Variants in PHLPP1 observed in about 807,000 individuals in gnomAD.
PHLPP1 encodes PH domain leucine-rich repeat-containing protein phosphatase 1.
A neutral mutation model predicts 117.2 loss-of-function variants in PHLPP1; 42 were observed. The observed-to-expected ratio is 0.36, with a 90% CI of 0.28 to 0.46. The LOEUF is 0.46. PHLPP1 is among the 20% of genes least tolerant of loss of function. PHLPP1 has a pLI of 1.00. For missense variants in PHLPP1, 2,084 were observed against 2,241.9 expected, an observed-to-expected ratio of 0.93 and a Z score of 1.42; for synonymous variants, 1,042 against 970.7, an observed-to-expected ratio of 1.07 and a Z score of -1.37.
rs570236081 is a variant in PHLPP1, at chr18:62,917,396, T to G, written c.2804+2388T>G. ...TGTTAAAGAATTTAAACAGTATTCTTTGTGTGTGTGTGTGTGTGTGTGTGT... is the reference window on the plus strand; with the variant it reads ...TGTTAAAGAATTTAAACAGTATTCTGTGTGTGTGTGTGTGTGTGTGTGTGT... On this transcript the variant is annotated intron_variant, in intron 9 of 16. Coordinates refer to ENST00000262719, the MANE Select transcript of PHLPP1 (RefSeq NM_194449.4). Among the ~76,000 whole-genome samples, 588 of 141,478 alleles carry G rather than the reference T, an allele frequency of 4.2e-3. 4 individuals are homozygous for G. Among genetic ancestry groups the G allele is most frequent in the South Asian group, 0.017 (74 of 4,422 alleles). The allele number at this position is 141,478 out of a possible 152,430, so 92.8% of individuals were successfully genotyped here. A position where few individuals can be genotyped will look rare whatever the true frequency, so the allele number is the denominator to read the frequency against.
At chr18:62,857,372 T>G (rs1186087941) in intron 3 of PHLPP1, among the ~76,000 whole-genome samples, 1 of 152,236 alleles carries the variant, frequency 6.6e-6, no homozygotes, top group Admixed American at 6.5e-5. Context: ...AGTTCCTTCA[T>G]TTTAACTGCA....
Position 62,979,359 on chromosome 18 carries a change from T to C in PHLPP1, c.5082T>C (p.Pro1694=). 1 of 1,548,506 alleles carries C rather than the reference T, an allele frequency of 6.5e-7. No individual in the cohort carries two copies. Among genetic ancestry groups the C allele is most frequent in the Non-Finnish European group, 8.7e-7 (1 of 1,144,046 alleles). The change falls in exon 17 of 17, where the codon CCT becomes CCC. Residue 1694 remains proline (P), a synonymous_variant. Transcript: ENST00000262719. ...AGCAGCAGCAGCCGCCACCACCCCC[T>C]CAGCTCCAGCCGCAGCTGCCGCGGC... ...QQQQQQPPPP[P]QLQPQLPRHY... is the part of the protein sequence containing the mutation.
At chr18:62,809,707 A>G (rs1914056868) in intron 1 of PHLPP1, among the ~76,000 whole-genome samples, 1 of 152,174 alleles carries the variant, frequency 6.6e-6, no homozygotes, top group Non-Finnish European at 1.5e-5. Context: ...TCTCAAAAAA[A>G]AAAAAGTCAT....
intron 14 of PHLPP1, among the ~76,000 whole-genome samples, chr18:62,966,954 A>G (rs1435307980): frequency 6.6e-6 from 1 of 152,180 alleles, no homozygotes; most frequent in African/African-American, 2.4e-5. Context: ...AGGATGTCCT[A>G]TAAACAGAAT....
At chr18:62,725,593 A>T (rs1228916520) in intron 1 of PHLPP1, among the ~76,000 whole-genome samples, 1 of 151,920 alleles carries the variant, frequency 6.6e-6, no homozygotes, top group Non-Finnish European at 1.5e-5. Context: ...GAAATATGCC[A>T]TTGCTTTGAA....
At chr18:62,803,288 G>T (rs905005824) in intron 1 of PHLPP1, among the ~76,000 whole-genome samples, 1 of 152,026 alleles carries the variant, frequency 6.6e-6, no homozygotes, top group African/African-American at 2.4e-5. Flanking sequence ...CATTCAGAAA[G>T]GTATGCAAGT....
intron 1 of PHLPP1, among the ~76,000 whole-genome samples, chr18:62,720,211 G>A (rs1052659753): frequency 2.0e-5 from 3 of 152,126 alleles, no homozygotes; most frequent in African/African-American, 7.2e-5. Context: ...CTCGACATAA[G>A]TTATGGACTC....
chr18:62,848,096 T>G (rs1213423006), intron 3 of PHLPP1, among the ~76,000 whole-genome samples: 1 of 152,226 alleles, frequency 6.6e-6, no homozygotes, highest in Admixed American at 6.5e-5. Flanking sequence ...TAGATTTTTT[T>G]GGGTGCTCTG....
In PHLPP1 at chr18:62,838,581, A is replaced by G. The variant is rs1397137051; in HGVS notation, c.1774-203A>G. The G allele has an allele frequency of 1.4e-5, 7 of 488,960 alleles. No individual in the cohort carries two copies. In the South Asian group the frequency reaches 2.3e-4, roughly 16 times the overall value. The allele number at this position is 488,960 out of a possible 1,614,324, so 30.3% of individuals were successfully genotyped here. On this transcript the variant is annotated intron_variant, in intron 2 of 16. Coordinates refer to ENST00000262719, the MANE Select transcript of PHLPP1 (RefSeq NM_194449.4). ...TTTCACTGTGGTGGGGAAATATAGT[A>G]AAGATAAAACTCCCCCTTTTTTGGT... is the stretch of plus-strand genomic sequence containing the variant.
At chr18:62,965,867 T>C (rs1428814981) in intron 14 of PHLPP1, among the ~76,000 whole-genome samples, 2 of 150,892 alleles carry the variant, frequency 1.3e-5, no homozygotes, top group Non-Finnish European at 2.9e-5. Context: ...AAAAAAAAAC[T>C]ACGTTACTGT....
intron 9 of PHLPP1, among the ~76,000 whole-genome samples, chr18:62,915,845 T>G (rs1909254112): frequency 6.6e-6 from 1 of 152,220 alleles, no homozygotes; most frequent in Admixed American, 6.5e-5. Flanking sequence ...GAATTTTGTG[T>G]ATCCATTAAT....
chr18:62,903,003 C>T lies in PHLPP1; in HGVS notation c.2484C>T (p.Asp828=). ...VIRKLIADEV[D]FLQHVTQLDL... is the part of the protein sequence containing the mutation. Reference sequence around the variant, plus strand: ...GGAAGCTGATAGCAGATGAAGTGGACTTTCTACAGCATGTTACTCAGCTTG... The same window carrying T: ...GGAAGCTGATAGCAGATGAAGTGGATTTTCTACAGCATGTTACTCAGCTTG... The change falls in exon 7 of 17, where the codon GAC becomes GAT. Residue 828 remains aspartate, a synonymous_variant. Transcript: ENST00000262719. 1.2e-6 allele frequency: 2 copies of T among 1,612,894 alleles called. No individual in the cohort carries two copies. The highest frequency in any genetic ancestry group is 2.2e-5 in the East Asian group (1 of 44,862).
chr18:62,783,229 CT>C (rs71340114), intron 1 of PHLPP1, among the ~76,000 whole-genome samples: 71 of 106,428 alleles, frequency 6.7e-4, no homozygotes, highest in Admixed American at 8.6e-4. Flanking sequence ...TTTTTTTTTT[CT>C]TTTTTTTTTT....
At chr18:62,857,449 A>G (rs1179294198) in intron 3 of PHLPP1, among the ~76,000 whole-genome samples, 1 of 152,134 alleles carries the variant, frequency 6.6e-6, no homozygotes, top group Non-Finnish European at 1.5e-5. Flanking sequence ...AAGTCCTCTG[A>G]TTAACCTAGC....
intron 10 of PHLPP1, among the ~76,000 whole-genome samples, chr18:62,926,112 T>A (rs1401296546): frequency 1.3e-5 from 2 of 152,224 alleles, no homozygotes; most frequent in Non-Finnish European, 2.9e-5. Context: ...ACCAGGGTTA[T>A]TACATCAAAA....
chr18:62,873,451 T>C (rs1362299376), intron 4 of PHLPP1, among the ~76,000 whole-genome samples: 7 of 152,218 alleles, frequency 4.6e-5, no homozygotes, highest in African/African-American at 1.7e-4. Context: ...ATAAAATAAC[T>C]ACTTCATAAA....
At chr18:62,810,040 TAAG>T (rs1914066881) in intron 1 of PHLPP1, among the ~76,000 whole-genome samples, 1 of 152,252 alleles carries the variant, frequency 6.6e-6, no homozygotes, top group Non-Finnish European at 1.5e-5. Flanking sequence ...TTCTGAGTGC[TAAG>T]AGAGCTTCTC....
rs148461265 is a variant in PHLPP1, at chr18:62,945,627, C to T, written c.3324+356C>T. On this transcript the variant is annotated intron_variant, in intron 12 of 16. Coordinates refer to ENST00000262719, the MANE Select transcript of PHLPP1 (RefSeq NM_194449.4). ...GCTCAAAGGCTGACGCTGGTGTAAT[C>T]GCAGTTTGAAAAGGTTAACAGTACC... Among the ~76,000 whole-genome samples the T allele has an allele frequency of 2.8e-3, 430 of 152,204 alleles. 3 individuals carry two copies. The highest frequency in any genetic ancestry group is 9.0e-3 in the African/African-American group (375 of 41,526).
At chr18:62,971,951 G>C (rs548895849) in intron 14 of PHLPP1, among the ~76,000 whole-genome samples, 3 of 152,016 alleles carry the variant, frequency 2.0e-5, no homozygotes, top group Non-Finnish European at 4.4e-5. Flanking sequence ...TGGGAGAATC[G>C]CTTGAGCCCT....
Sources: allele counts gnomAD v4.1 joint callset (sites outside exome capture counted in the v4.1 genomes callset), GRCh38; gene constraint gnomAD v4.1.1; transcripts MANE v1.5; gene names NCBI Gene and HGNC (gene_info 2026-07-23, HGNC 2026-07-21).